The following NRG1 variants were observed in gnomAD, a reference collection of about 807,000 sequenced individuals.
NRG1 encodes pro-neuregulin-1, membrane-bound isoform.
A neutral mutation model predicts 63.8 loss-of-function variants in NRG1; 18 were observed. The observed-to-expected ratio is 0.28, with a 90% CI of 0.19 to 0.42. NRG1 has a LOEUF of 0.42. Ranked by LOEUF, NRG1 falls within the 10% of genes least tolerant of loss-of-function variation. The pLI, the probability that NRG1 is intolerant of heterozygous loss-of-function variation, is 1.00. For missense variants in NRG1, 762 were observed against 814.7 expected (o/e 0.94, Z 0.79); for synonymous variants, 302 against 301.3 (o/e 1.00, Z -0.02).
At position 32,087,050 on chromosome 8, in the gene NRG1, G is replaced by A. The variant is rs1290938982; in HGVS notation, c.37+447619G>A. On this transcript the variant is annotated intron_variant, in intron 1 of 10. Transcript: ENST00000519301. ...ATCTCCCCATTTCTCCCACTTCCCA[G>A]CCCCAGGCAACCACCATTCATTTTA... 2.0e-5 allele frequency among the ~76,000 whole-genome samples: 3 copies of A among 152,010 alleles called. No individual in the cohort carries two copies. In the East Asian group the frequency reaches 5.8e-4, roughly 29 times the overall value.
At chr8:32,579,824 G>T (rs1840326672) in intron 1 of NRG1, among the ~76,000 whole-genome samples, 1 of 152,154 alleles carries the variant, frequency 6.6e-6, no homozygotes, top group Admixed American at 6.5e-5. Context: ...TTAGAATTCT[G>T]TGAGGAGTGT....
At chr8:32,227,615 G>C (rs753858126) in intron 1 of NRG1, among the ~76,000 whole-genome samples, 1 of 152,110 alleles carries the variant, frequency 6.6e-6, no homozygotes, top group Non-Finnish European at 1.5e-5. Flanking sequence ...CTTTTCCTGA[G>C]GCTTGAGAAG....
intron 1 of NRG1, among the ~76,000 whole-genome samples, chr8:31,748,617 A>G (rs2131443166): frequency 6.6e-6 from 1 of 152,100 alleles, no homozygotes; most frequent in South Asian, 2.1e-4. Context: ...GATACAGACA[A>G]CAGGAGATCA....
chr8:31,972,945 T>C (rs1290582286), intron 1 of NRG1, among the ~76,000 whole-genome samples: 2 of 152,236 alleles, frequency 1.3e-5, no homozygotes, highest in African/African-American at 2.4e-5. Context: ...TGTACATACA[T>C]AATATATAAC....
chr8:32,754,283 A>T (rs1319328679), intron 7 of NRG1, 89 bp from the exon 8 acceptor site: 2 of 1,051,454 alleles, frequency 1.9e-6, no homozygotes, highest in Non-Finnish European at 2.9e-6. Context: ...AACATGGACA[A>T]TGTCATGCAG....
chr8:32,274,302 C>T (rs1277145595), intron 1 of NRG1, among the ~76,000 whole-genome samples: 2 of 152,202 alleles, frequency 1.3e-5, no homozygotes, highest in Non-Finnish European at 2.9e-5. Flanking sequence ...GCAACTTTCC[C>T]TTGTGGCTGG....
At chr8:32,209,750 CTT>C (rs1374450853) in intron 1 of NRG1, among the ~76,000 whole-genome samples, 1 of 138,510 alleles carries the variant, frequency 7.2e-6, no homozygotes, top group Admixed American at 7.5e-5. Flanking sequence ...TCCTTCCTTC[CTT>C]CCTTCCTTCC....
At chr8:32,740,884 A>G (rs1054020534) in intron 6 of NRG1, among the ~76,000 whole-genome samples, 1 of 152,178 alleles carries the variant, frequency 6.6e-6, no homozygotes, top group Non-Finnish European at 1.5e-5. Context: ...TTGTGTAAAA[A>G]TCACTAGGGA....
chr8:32,221,613 T>C (rs1845823337), intron 1 of NRG1, among the ~76,000 whole-genome samples: 1 of 152,232 alleles, frequency 6.6e-6, no homozygotes, highest in Non-Finnish European at 1.5e-5. Context: ...AGTAAAGTAG[T>C]AAATTCATAG....
intron 1 of NRG1, among the ~76,000 whole-genome samples, chr8:32,595,293 G>A (rs1450187430): frequency 6.6e-6 from 1 of 151,976 alleles, no homozygotes; most frequent in African/African-American, 2.4e-5. Flanking sequence ...GGGCTCAGGT[G>A]GTCCTTCCCC....
intron 1 of NRG1, among the ~76,000 whole-genome samples, chr8:32,125,410 T>C (rs928655714): frequency 2.0e-5 from 3 of 151,942 alleles, no homozygotes; most frequent in Non-Finnish European, 4.4e-5. Flanking sequence ...CCCTGAGTCA[T>C]TGCTGCTTCA....
chr8:32,615,529 G>T (rs886596120), intron 4 of NRG1, among the ~76,000 whole-genome samples: 1 of 151,982 alleles, frequency 6.6e-6, no homozygotes, highest in East Asian at 1.9e-4. Flanking sequence ...AGAAGAGAAG[G>T]TATTTCAAGT....
At chr8:32,073,099 A>G (rs549985005) in intron 1 of NRG1, among the ~76,000 whole-genome samples, 5 of 152,266 alleles carry the variant, frequency 3.3e-5, no homozygotes, top group African/African-American at 7.2e-5. Flanking sequence ...TCTGGCCTCT[A>G]TCTCTGAAGA....
At chr8:31,892,892 G>A (rs1831262501) in intron 1 of NRG1, among the ~76,000 whole-genome samples, 1 of 151,834 alleles carries the variant, frequency 6.6e-6, no homozygotes, top group Non-Finnish European at 1.5e-5. Context: ...TTTGGAATTT[G>A]AAAAATATAT....
intron 1 of NRG1, among the ~76,000 whole-genome samples, chr8:32,466,065 G>A (rs1432845516): frequency 6.6e-6 from 1 of 152,126 alleles, no homozygotes; most frequent in Non-Finnish European, 1.5e-5. Flanking sequence ...CACTTTGGGA[G>A]GCCGAGATGG....
intron 1 of NRG1, among the ~76,000 whole-genome samples, chr8:31,695,363 T>G (rs1809951714): frequency 6.6e-6 from 1 of 152,096 alleles, no homozygotes; most frequent in South Asian, 2.1e-4. Flanking sequence ...AAATACGGGG[T>G]TTTGCCCTGT....
At chr8:32,740,361 A>G (rs922453292) in intron 6 of NRG1, among the ~76,000 whole-genome samples, 7 of 151,686 alleles carry the variant, frequency 4.6e-5, no homozygotes, top group African/African-American at 1.5e-4. Flanking sequence ...ACACCCAGCT[A>G]TTTTTCATAT....
chr8:32,025,009 A>T (rs1444496940), intron 1 of NRG1, among the ~76,000 whole-genome samples: 1 of 152,220 alleles, frequency 6.6e-6, no homozygotes, highest in Non-Finnish European at 1.5e-5. Flanking sequence ...GTACACAATT[A>T]ACAGTGGTTA....
At chr8:32,680,411 A>T (rs1808290773) in intron 5 of NRG1, among the ~76,000 whole-genome samples, 1 of 152,182 alleles carries the variant, frequency 6.6e-6, no homozygotes, top group Non-Finnish European at 1.5e-5. Context: ...GGCTACATAG[A>T]TTACTGCACA....
Sources: allele counts gnomAD v4.1 joint callset (sites outside exome capture counted in the v4.1 genomes callset), GRCh38; gene constraint gnomAD v4.1.1; transcripts MANE v1.5; gene names NCBI Gene and HGNC (gene_info 2026-07-23, HGNC 2026-07-21).